The following TSNARE1 variants were observed in gnomAD, a reference collection of about 807,000 sequenced individuals.
TSNARE1 encodes t-SNARE domain containing 1.
TSNARE1 carries 49 observed loss-of-function variants against 62.0 expected under a neutral mutation model. That is an observed-to-expected ratio of 0.79 (90% CI 0.63 to 1.00). TSNARE1 has a LOEUF of 1.00. TSNARE1 is among the 50% of genes least tolerant of loss of function. The probability of loss-of-function intolerance (pLI) is 0.00; values close to 1 mark genes in which losing one functional copy is unlikely to be tolerated. For missense variants in TSNARE1, 755 were observed against 700.1 expected (o/e 1.08, Z -0.88); for synonymous variants, 328 against 294.4 (o/e 1.11, Z -1.17).
intron 10 of TSNARE1, among the ~76,000 whole-genome samples, chr8:142,298,365 C>A (rs1825116443): frequency 1.3e-5 from 2 of 152,204 alleles, no homozygotes; most frequent in Admixed American, 1.3e-4. Context: ...GCGGACGGGG[C>A]AGCCAGCCCC....
At chr8:142,271,767 G>A (rs956261923) in intron 12 of TSNARE1, 1 of 1,115,476 alleles carries the variant, frequency 9.0e-7, no homozygotes, top group African/African-American at 1.6e-5. Flanking sequence ...AGGGTGCAGG[G>A]AGAGTGCCCA....
chr8:142,282,985 G>T (rs1821892407), intron 11 of TSNARE1, among the ~76,000 whole-genome samples: 1 of 150,326 alleles, frequency 6.7e-6, no homozygotes, highest in African/African-American at 2.5e-5. Flanking sequence ...AAGGGCAAAG[G>T]CGGGGTCAGT....
At chr8:142,381,791 G>A (rs1423498192) in intron 1 of TSNARE1, among the ~76,000 whole-genome samples, 2 of 152,158 alleles carry the variant, frequency 1.3e-5, no homozygotes, top group Non-Finnish European at 2.9e-5. Context: ...CCCGCAGCTC[G>A]GCGTCCTGGG....
chr8:142,295,548 G>A (rs531392867), intron 10 of TSNARE1, among the ~76,000 whole-genome samples: 2 of 152,356 alleles, frequency 1.3e-5, no homozygotes, highest in East Asian at 1.9e-4. Flanking sequence ...GCTGCCCTGC[G>A]GCCAGTGAAC....
chr8:142,326,898 C>T (rs1035572466), intron 6 of TSNARE1, among the ~76,000 whole-genome samples: 5 of 152,204 alleles, frequency 3.3e-5, no homozygotes, highest in African/African-American at 1.2e-4. Context: ...CAGGAAAATA[C>T]AAATGAGATC....
intron 3 of TSNARE1, among the ~76,000 whole-genome samples, chr8:142,345,519 G>C (rs1833233542): frequency 6.6e-6 from 1 of 152,224 alleles, no homozygotes; most frequent in Non-Finnish European, 1.5e-5. Context: ...GGGTTGGCCA[G>C]CTCTGGCCAC....
intron 9 of TSNARE1, among the ~76,000 whole-genome samples, chr8:142,301,423 T>A (rs1825748760): frequency 8.2e-6 from 1 of 121,260 alleles, no homozygotes. Flanking sequence ...GCCCCCCACC[T>A]GCCCTGCCCA....
intron 12 of TSNARE1, chr8:142,271,565 GA>G: frequency 7.1e-7 from 1 of 1,404,234 alleles, no homozygotes; most frequent in Non-Finnish European, 9.2e-7. Context: ...AGCAGGTGGG[GA>G]GGGTGAGGAG....
intron 12 of TSNARE1, among the ~76,000 whole-genome samples, chr8:142,249,493 G>A (rs1176802647): frequency 3.9e-5 from 6 of 152,186 alleles, no homozygotes; most frequent in Non-Finnish European, 7.4e-5. Context: ...AGGAGGGCAG[G>A]TCCTGGGCAG....
chr8:142,321,932 CCAAA>C (rs1223355171), intron 6 of TSNARE1, among the ~76,000 whole-genome samples: 1 of 152,054 alleles, frequency 6.6e-6, no homozygotes, highest in African/African-American at 2.4e-5. Flanking sequence ...ATAACAAAAC[CCAAA>C]CAGAGAATCT....
At chr8:142,381,441 G>A (rs73372249) in intron 1 of TSNARE1, among the ~76,000 whole-genome samples, 3,336 of 151,894 alleles carry the variant, frequency 0.022, 127 homozygotes, top group African/African-American at 0.076. Context: ...CACCCAATGG[G>A]CTCTCCCCTT....
chr8:142,345,244 C>T (rs999782440), intron 3 of TSNARE1, among the ~76,000 whole-genome samples: 1 of 152,214 alleles, frequency 6.6e-6, no homozygotes, highest in Non-Finnish European at 1.5e-5. Flanking sequence ...CATGTCTGAG[C>T]CCCCAAGGAG....
chr8:142,276,468 C>T, intron 11 of TSNARE1: 5 of 985,482 alleles, frequency 5.1e-6, no homozygotes, highest in Non-Finnish European at 6.0e-6. Flanking sequence ...AGCCACCTTA[C>T]ACCTGCAGTG....
chr8:142,300,791 T>G, intron 9 of TSNARE1, 147 bp from the exon 10 acceptor site: 1 of 781,228 alleles, frequency 1.3e-6, no homozygotes. Flanking sequence ...GCGGGGGCCT[T>G]CTGCGGCCAC....
Position 142,267,471 on chromosome 8 carries a change from A to G in TSNARE1, c.1446+7310T>C, listed in dbSNP as rs754294124. Among the ~76,000 whole-genome samples, 72 of 152,178 alleles carry G rather than the reference A, an allele frequency of 4.7e-4. 1 individual carries two copies. Among genetic ancestry groups the G allele is most frequent in the Admixed American group, 7.9e-4 (12 of 15,282 alleles). On this transcript the variant is annotated intron_variant, in intron 12 of 13. Coordinates refer to ENST00000524325, the MANE Select transcript of TSNARE1 (RefSeq NM_145003.5). ...ACCTGGAATGCAGCACTGCGTAGGG[A>G]AAGGGCATGAACTTGGAATCCAGAC...
chr8:142,390,025 T>G (rs139498947), intron 1 of TSNARE1, among the ~76,000 whole-genome samples: 178 of 152,336 alleles, frequency 1.2e-3, no homozygotes, highest in African/African-American at 4.1e-3. Flanking sequence ...TAGGCAACTG[T>G]AACAGAGTGG....
At chr8:142,218,034 GTA>G (rs1442675004) in intron 13 of TSNARE1, among the ~76,000 whole-genome samples, 3 of 90,152 alleles carry the variant, frequency 3.3e-5, no homozygotes, top group African/African-American at 5.1e-5. Flanking sequence ...TCAGGGCCCA[GTA>G]TGTGACCAGG....
chr8:142,318,979 C>CAGACACCCAGCAAGAGACGGGGGAGAT (rs1829041189), intron 6 of TSNARE1, among the ~76,000 whole-genome samples: 1 of 148,888 alleles, frequency 6.7e-6, no homozygotes, highest in Non-Finnish European at 1.5e-5. Flanking sequence ...ACGGGGGAGA[C>CAGACACCCAGCAAGAGACGGGGGAGAT]GGGCAGACAC....
intron 9 of TSNARE1, among the ~76,000 whole-genome samples, chr8:142,308,273 C>T (rs976009685): frequency 6.6e-6 from 1 of 152,200 alleles, no homozygotes; most frequent in Non-Finnish European, 1.5e-5. Context: ...GTAAGAAATA[C>T]TTGTCCACCG....
Sources: gnomAD v4.1 joint callset for allele counts (sites outside exome capture counted in the v4.1 genomes callset) on GRCh38, gnomAD v4.1.1 for gene constraint, MANE v1.5 for transcripts, NCBI Gene and HGNC (gene_info 2026-07-23, HGNC 2026-07-21) for gene names.